Variants in ACIN1 observed in about 807,000 individuals in gnomAD.
ACIN1 encodes apoptotic chromatin condensation inducer in the nucleus.
ACIN1 carries 16 observed loss-of-function variants against 146.6 expected under a neutral mutation model. The observed-to-expected ratio is 0.11, with a 90% CI of 0.07 to 0.17. The LOEUF is 0.17. Ranked by LOEUF, ACIN1 falls within the 10% of genes least tolerant of loss-of-function variation. ACIN1 has a pLI of 1.00. For synonymous variants in ACIN1, 569 were observed against 582.7 expected, an observed-to-expected ratio of 0.98 and a Z score of 0.34; for missense variants, 1,357 against 1,609.3, an observed-to-expected ratio of 0.84 and a Z score of 2.68.
At position 23,061,423 on chromosome 14, in the gene ACIN1, C is replaced by T. The variant is rs769525609; in HGVS notation, c.3299G>A (p.Arg1100Gln). The change falls in exon 17 of 19, where the codon CGG becomes CAG. Residue 1100 changes from arginine (R) to glutamine (Q), a missense_variant. By Grantham distance (43) the Arg-to-Gln change is conservative. This residue lies in a region of ACIN1 where 509 missense variants were observed against 719.6 expected (regional missense o/e 0.71). Coordinates refer to ENST00000605057, the MANE Select transcript of ACIN1 (RefSeq NM_001386863.1). Reference protein sequence around the residue: ...EREREMERRERTRSEREWDRD... With the variant: ...EREREMERREQTRSEREWDRD... Reference sequence around the variant, plus strand: ...ATCCCATTCACGCTCTGATCGAGTCCGCTCCCGCCGCTCCATTTCCCGTTC... The same window carrying T: ...ATCCCATTCACGCTCTGATCGAGTCTGCTCCCGCCGCTCCATTTCCCGTTC... The T allele has an allele frequency of 3.1e-6, 5 of 1,613,764 alleles. No homozygotes were observed. Among genetic ancestry groups the T allele is most frequent in the East Asian group, 4.5e-5 (2 of 44,864 alleles).
intron 1 of ACIN1, 125 bp downstream of exon 1, chr14:23,094,850 A>G: frequency 7.4e-7 from 1 of 1,351,926 alleles, no homozygotes; most frequent in Non-Finnish European, 9.9e-7. Flanking sequence ...GCGCGGATCC[A>G]GAGGCTCGCG....
At chr14:23,060,606 G>T (rs113696515) in intron 18 of ACIN1, among the ~76,000 whole-genome samples, 2,590 of 151,946 alleles carry the variant, frequency 0.017, 83 homozygotes, top group African/African-American at 0.059. Context: ...TCCGCCTCCC[G>T]GGTTCAAGCA....
chr14:23,078,329 C>T, intron 7 of ACIN1, 63 bp from the exon 8 acceptor site: 1 of 1,478,864 alleles, frequency 6.8e-7, no homozygotes, highest in South Asian at 1.1e-5. Flanking sequence ...TCCTTTTCTT[C>T]TACCTGGAGC....
intron 16 of ACIN1, among the ~76,000 whole-genome samples, 197 bp downstream of exon 16, chr14:23,061,971 C>CA (rs57962360): frequency 0.3 from 17,416 of 58,382 alleles, 2,342 homozygotes; most frequent in East Asian, 0.38. Context: ...GACTCTGTCT[C>CA]AAAAAAAAAA....
chr14:23,063,362 T>G, intron 13 of ACIN1, 74 bp downstream of exon 13: 2 of 1,542,588 alleles, frequency 1.3e-6, no homozygotes, highest in Non-Finnish European at 1.8e-6. Flanking sequence ...CATTCAAAGC[T>G]TTCAGCGATC....
intron 1 of ACIN1, 22 bp downstream of exon 1, chr14:23,094,953 C>G (rs1228617406): frequency 6.4e-7 from 1 of 1,571,022 alleles, no homozygotes; most frequent in Non-Finnish European, 8.6e-7. Flanking sequence ...CCTCCGACAC[C>G]CCAGCAACGC....
rs770987092 is a variant in ACIN1 at position 23,059,179 on chromosome 14, G to A, written c.3821C>T (p.Thr1274Ile). The A allele has an allele frequency of 1.2e-6, 2 of 1,614,028 alleles. No homozygotes were observed. Among genetic ancestry groups the A allele is most frequent in the Non-Finnish European group, 1.7e-6 (2 of 1,180,002 alleles). The change falls in exon 19 of 19, where the codon ACA (threonine) becomes ATA (isoleucine). Residue 1274 changes from threonine (T) to isoleucine (I), a missense_variant. By Grantham distance (89) the Thr-to-Ile change is moderately conservative. Coordinates refer to ENST00000605057, the MANE Select transcript of ACIN1 (RefSeq NM_001386863.1). ...KRHSRSRSRS[T>I]PVRDRGGRR ...GCGCCCACCCCGGTCCCGCACAGGT[G>A]TGCTCCGACTCCGGCTTCTGCTGTG...
At position 23,061,429 on chromosome 14, in the gene ACIN1, C is replaced by T. The variant is rs2047275697; in HGVS notation, c.3293G>A (p.Arg1098Gln). The T allele has an allele frequency of 1.2e-6, 2 of 1,613,954 alleles. No individual in the cohort carries two copies. Among genetic ancestry groups the T allele is most frequent in the Non-Finnish European group, 1.7e-6 (2 of 1,179,974 alleles). The change falls in exon 17 of 19, where the codon CGG (arginine) becomes CAG (glutamine). Residue 1098 changes from arginine (R) to glutamine (Q), a missense_variant. By Grantham distance (43) the Arg-to-Gln change is conservative (BLOSUM62 1). Around this residue, in one of 4 missense-constraint regions of ACIN1, gnomAD observed 509 missense variants for 719.6 expected, o/e 0.71. Coordinates refer to ENST00000605057, the MANE Select transcript of ACIN1 (RefSeq NM_001386863.1). Reference sequence around the variant, plus strand: ...TTCACGCTCTGATCGAGTCCGCTCCCGCCGCTCCATTTCCCGTTCCCGTTC... The same window carrying T: ...TTCACGCTCTGATCGAGTCCGCTCCTGCCGCTCCATTTCCCGTTCCCGTTC... ...WAEREREMER[R>Q]ERTRSEREWD...
intron 6 of ACIN1, 94 bp downstream of exon 6, chr14:23,079,453 C>T (rs1316826826): frequency 4.6e-6 from 7 of 1,538,168 alleles, no homozygotes; most frequent in Non-Finnish European, 6.1e-6. Flanking sequence ...TTTCCTATTC[C>T]TTTCAGAAAT....
At chr14:23,064,557 T>C in intron 10 of ACIN1, 69 bp from the exon 11 acceptor site, 1 of 1,562,836 alleles carries the variant, frequency 6.4e-7, no homozygotes, top group Non-Finnish European at 8.7e-7. Context: ...CCGTAATACC[T>C]ACAGGTTACC....
intron 1 of ACIN1, chr14:23,094,653 T>A: frequency 1.3e-6 from 1 of 788,340 alleles, no homozygotes; most frequent in Non-Finnish European, 1.8e-6. Flanking sequence ...TAGTGGGATT[T>A]AACTCCTTCT....
chr14:23,074,816 T>C (rs888405748), intron 8 of ACIN1, among the ~76,000 whole-genome samples: 1 of 152,192 alleles, frequency 6.6e-6, no homozygotes, highest in African/African-American at 2.4e-5. Context: ...TATGTGAATA[T>C]GAGATTCAGA....
chr14:23,089,428 A>C lies in ACIN1; in HGVS notation c.436+554T>G, dbSNP rs190882131. On this transcript the variant is annotated intron_variant, in intron 4 of 18. Coordinates refer to ENST00000605057, the MANE Select transcript of ACIN1 (RefSeq NM_001386863.1). ...GAACCAATCCCATATACTAGGTTAG[A>C]GCTCCCTACTATAATATGCTCACAT... 2.8e-3 allele frequency among the ~76,000 whole-genome samples: 419 copies of C among 152,294 alleles called. 3 individuals are homozygous for C. Among genetic ancestry groups the C allele is most frequent in the African/African-American group, 9.6e-3 (400 of 41,550 alleles).
rs779055730 is a variant in ACIN1, at chr14:23,080,186, C to T, written c.1149G>A (p.Met383Ile). ...TGAGGACAGCGGGGGCTGGGCCTTC[C>T]ATGGGCTCTATTTCTTCTTCGCTAT... ...QLHSEEEIEP[M>I]EGPAPAVLIQ... Residue 383 changes from methionine (M) to isoleucine (I), a missense_variant, in exon 6 of 19, where the codon ATG (methionine) becomes ATA (isoleucine). Physicochemically the swap from Met to Ile is conservative, Grantham distance 10 (BLOSUM62 1). Coordinates refer to ENST00000605057, the MANE Select transcript of ACIN1 (RefSeq NM_001386863.1). 2.2e-5 allele frequency: 36 copies of T among 1,614,020 alleles called. No individual in the cohort carries two copies. Among genetic ancestry groups the T allele is most frequent in the African/African-American group, 6.7e-5 (5 of 74,910 alleles).
At chr14:23,081,131 T>C (rs892470466) in intron 5 of ACIN1, among the ~76,000 whole-genome samples, 1 of 151,990 alleles carries the variant, frequency 6.6e-6, no homozygotes, top group African/African-American at 2.4e-5. Context: ...TGAAAGGAAC[T>C]AACCTACTAT....
rs866177286 is a variant in ACIN1, at chr14:23,082,591, C to T, written c.437-755G>A. The stretch of plus-strand genomic sequence containing the variant: ...TCCTGAGTAGCTGGGATTACAGGTG[C>T]CCACCACCATGCCTGGCTAATTTTT... On this transcript the variant is annotated intron_variant, in intron 4 of 18. Coordinates refer to ENST00000605057, the MANE Select transcript of ACIN1 (RefSeq NM_001386863.1). 8.5e-5 allele frequency among the ~76,000 whole-genome samples: 13 copies of T among 152,108 alleles called. No homozygotes were observed. The South Asian group carries it at 2.7e-3, about 32-fold the overall frequency.
chr14:23,079,095 T>C, intron 6 of ACIN1, 57 bp from the exon 7 acceptor site: 8 of 1,503,866 alleles, frequency 5.3e-6, no homozygotes, highest in East Asian at 2.4e-5. Context: ...ATATATTCAG[T>C]AGATTGCTGA....
At chr14:23,071,685 A>T in intron 8 of ACIN1, 1 of 920,978 alleles carries the variant, frequency 1.1e-6, no homozygotes, top group Non-Finnish European at 1.6e-6. Flanking sequence ...CAGGGAGCCG[A>T]CTGCTGGCTC....
intron 7 of ACIN1, 131 bp downstream of exon 7, chr14:23,078,689 G>T: frequency 1.0e-6 from 1 of 986,350 alleles, no homozygotes; most frequent in Non-Finnish European, 1.5e-6. Flanking sequence ...AGTTAAGCAG[G>T]ATTAACAGGT....
Sources: allele counts gnomAD v4.1 joint callset (sites outside exome capture counted in the v4.1 genomes callset), GRCh38; gene constraint gnomAD v4.1.1; regional missense constraint gnomAD v4.1.1; transcripts MANE v1.5; gene names NCBI Gene and HGNC (gene_info 2026-07-23, HGNC 2026-07-21).